The following UGGT2 variants were observed in gnomAD, a reference collection of about 807,000 sequenced individuals.
UGGT2 encodes UDP-glucose glycoprotein glucosyltransferase 2, also known as UDP-glucose:glycoprotein glucosyltransferase 2.
In UGGT2, 180 loss-of-function variants were observed where a neutral mutation model predicts 192.1. The observed-to-expected ratio is 0.94, with a 90% CI of 0.83 to 1.06. The LOEUF (loss-of-function observed/expected upper bound fraction) is 1.06, where lower values mean the gene tolerates loss of function less well. UGGT2 is among the 50% of genes least tolerant of loss of function. The probability of loss-of-function intolerance (pLI) is 0.00; values close to 1 mark genes in which losing one functional copy is unlikely to be tolerated. For synonymous variants in UGGT2, 580 were observed against 591.0 expected (o/e 0.98, Z 0.27); for missense variants, 1,849 against 1,795.7 (o/e 1.03, Z -0.54).
chr13:95,911,566 C>G (rs1261207353), intron 20 of UGGT2, among the ~76,000 whole-genome samples: 1 of 152,162 alleles, frequency 6.6e-6, no homozygotes. Flanking sequence ...AGACAAATAA[C>G]AGGCTCTGAA....
chr13:95,978,078 G>T (rs2050995637), intron 10 of UGGT2, among the ~76,000 whole-genome samples: 1 of 151,998 alleles, frequency 6.6e-6, no homozygotes, highest in African/African-American at 2.4e-5. Context: ...AGTATGCAGG[G>T]CTCAAAACCT....
chr13:95,804,493 C>T (rs73556724), intron 38 of UGGT2, among the ~76,000 whole-genome samples: 2,837 of 152,120 alleles, frequency 0.019, 90 homozygotes, highest in African/African-American at 0.065. Context: ...CAAGGGATGC[C>T]GAAAATATTG....
At chr13:95,870,274 T>C (rs1197593914) in intron 29 of UGGT2, among the ~76,000 whole-genome samples, 1 of 152,124 alleles carries the variant, frequency 6.6e-6, no homozygotes, top group Non-Finnish European at 1.5e-5. Context: ...TACACTGCAG[T>C]AGTTAGAAAG....
chr13:95,982,087 T>A (rs570670583), intron 10 of UGGT2, among the ~76,000 whole-genome samples: 3 of 152,306 alleles, frequency 2.0e-5, no homozygotes, highest in South Asian at 4.1e-4. Context: ...TCACTGCCAA[T>A]TCCAAATGGC....
At chr13:95,958,933 G>A (rs1336326775) in intron 12 of UGGT2, among the ~76,000 whole-genome samples, 2 of 152,174 alleles carry the variant, frequency 1.3e-5, no homozygotes, top group African/African-American at 4.8e-5. Context: ...ACCCTTATGG[G>A]CTTCTGAGAC....
chr13:95,882,231 AC>A (rs2047516222), intron 27 of UGGT2, among the ~76,000 whole-genome samples: 1 of 152,106 alleles, frequency 6.6e-6, no homozygotes, highest in South Asian at 2.1e-4. Flanking sequence ...CATTTTTGTC[AC>A]CTTTAATTAT....
chr13:95,853,433 G>A, intron 36 of UGGT2, 110 bp downstream of exon 36: 1 of 689,774 alleles, frequency 1.4e-6, no homozygotes, highest in South Asian at 2.2e-5. Flanking sequence ...TACATAAACA[G>A]CAGTAAATTG....
At chr13:95,812,957 T>C (rs1367916833) in intron 38 of UGGT2, among the ~76,000 whole-genome samples, 2 of 152,168 alleles carry the variant, frequency 1.3e-5, no homozygotes, top group Non-Finnish European at 2.9e-5. Context: ...CGGTGAATTG[T>C]ATAGTATGTG....
chr13:95,828,007 A>C (rs996169538), intron 38 of UGGT2, among the ~76,000 whole-genome samples: 5 of 152,102 alleles, frequency 3.3e-5, no homozygotes, highest in African/African-American at 1.2e-4. Flanking sequence ...AATGCTCTCC[A>C]TACTCTGGCC....
chr13:95,967,743 A>G (rs986397335), intron 12 of UGGT2, among the ~76,000 whole-genome samples: 1 of 152,158 alleles, frequency 6.6e-6, no homozygotes, highest in Admixed American at 6.5e-5. Flanking sequence ...AACTGCTGGG[A>G]TTACAGGCAT....
chr13:95,839,786 T>C lies in UGGT2; in HGVS notation c.4285-2584A>G, dbSNP rs533555568. Reference sequence around the variant, plus strand: ...CATGGTTCCATTTTCTCCATATCCTTGTCCACTCTTGTTATTGTCAATCTT... The same window carrying C: ...CATGGTTCCATTTTCTCCATATCCTCGTCCACTCTTGTTATTGTCAATCTT... On this transcript the variant is annotated intron_variant, in intron 36 of 38. Coordinates refer to ENST00000376747, the MANE Select transcript of UGGT2 (RefSeq NM_020121.4). Among the ~76,000 whole-genome samples the C allele has an allele frequency of 3.9e-5, 6 of 152,290 alleles. No homozygotes were observed. In the East Asian group the frequency reaches 1.2e-3, roughly 29 times the overall value.
intron 38 of UGGT2, among the ~76,000 whole-genome samples, chr13:95,818,967 T>C (rs1404466105): frequency 1.3e-5 from 2 of 152,156 alleles, no homozygotes; most frequent in Non-Finnish European, 2.9e-5. Context: ...TGACCCATTA[T>C]ATATTACCTT....
chr13:96,004,398 G>C (rs1594553042), intron 5 of UGGT2, among the ~76,000 whole-genome samples: 1 of 152,104 alleles, frequency 6.6e-6, no homozygotes, highest in East Asian at 1.9e-4. Flanking sequence ...ACAGAGACTA[G>C]AATGATGGTA....
intron 2 of UGGT2, 67 bp downstream of exon 2, chr13:96,031,822 A>C (rs1232847288): frequency 2.4e-6 from 3 of 1,244,484 alleles, no homozygotes; most frequent in Non-Finnish European, 3.4e-6. Flanking sequence ...CCATTAAAAA[A>C]TAATAAACAT....
intron 20 of UGGT2, among the ~76,000 whole-genome samples, chr13:95,915,738 C>G (rs1235394473): frequency 2.0e-5 from 3 of 152,128 alleles, no homozygotes; most frequent in Admixed American, 2.0e-4. Context: ...ACAGTCCAGA[C>G]AAGGAAGGTT....
At chr13:95,985,199 T>G (rs1367701900) in intron 9 of UGGT2, 4 of 991,094 alleles carry the variant, frequency 4.0e-6, no homozygotes, top group East Asian at 1.2e-4. Flanking sequence ...GGCCATTAAT[T>G]AAAATATTAT....
intron 17 of UGGT2, among the ~76,000 whole-genome samples, chr13:95,929,014 G>T (rs759350106): frequency 1.3e-5 from 2 of 152,092 alleles, no homozygotes; most frequent in Non-Finnish European, 2.9e-5. Flanking sequence ...CCAACACAGC[G>T]AAACCCCGTC....
chr13:96,024,204 T>C (rs2052599304), intron 2 of UGGT2, among the ~76,000 whole-genome samples: 1 of 152,154 alleles, frequency 6.6e-6, no homozygotes, highest in Non-Finnish European at 1.5e-5. Flanking sequence ...AATTAGTGTA[T>C]CCAGAATACT....
In UGGT2 at chr13:95,833,069, A is replaced by C. The variant is rs1886897216; in HGVS notation, c.4402-16T>G. ...GATTATTGCACTAAAAGTTTAAGTA[A>C]ATTTTGTTAATGAAAGACCATGCTC... On this transcript the variant is annotated splice_polypyrimidine_tract_variant and intron_variant, in intron 37 of 38. Transcript: ENST00000376747. The C allele has an allele frequency of 1.9e-6, 3 of 1,608,970 alleles. No individual in the cohort carries two copies. The highest frequency in any genetic ancestry group is 1.7e-6 in the Non-Finnish European group (2 of 1,176,846).
Sources: allele counts gnomAD v4.1 joint callset (sites outside exome capture counted in the v4.1 genomes callset), GRCh38; gene constraint gnomAD v4.1.1; transcripts MANE v1.5; gene names NCBI Gene and HGNC (gene_info 2026-07-23, HGNC 2026-07-21).